The following SNTG2 variants were observed in gnomAD, a reference collection of about 807,000 sequenced individuals.
The protein encoded by SNTG2 is syntrophin gamma 2, also known as gamma-2-syntrophin.
A neutral mutation model predicts 70.9 loss-of-function variants in SNTG2; 74 were observed. The observed-to-expected ratio is 1.04, with a 90% CI of 0.86 to 1.27. The LOEUF (loss-of-function observed/expected upper bound fraction) is 1.27. SNTG2 is among the 50% of genes most tolerant of loss of function. The pLI, the probability that SNTG2 is intolerant of heterozygous loss-of-function variation, is 0.00. For missense variants in SNTG2, 717 were observed against 690.7 expected, an observed-to-expected ratio of 1.04 and a Z score of -0.43; for synonymous variants, 278 against 273.8, an observed-to-expected ratio of 1.02 and a Z score of -0.15.
At chr2:972,264 T>C (rs966273972) in intron 1 of SNTG2, among the ~76,000 whole-genome samples, 1 of 152,180 alleles carries the variant, frequency 6.6e-6, no homozygotes, top group Admixed American at 6.5e-5. Flanking sequence ...CTTACTGTAC[T>C]TAGTCTCCTC....
At chr2:1,090,890 A>G (rs1347501433) in intron 2 of SNTG2, among the ~76,000 whole-genome samples, 1 of 152,114 alleles carries the variant, frequency 6.6e-6, no homozygotes, top group Admixed American at 6.5e-5. Context: ...CCAGCTCCTG[A>G]GATCTTATCG....
intron 1 of SNTG2, among the ~76,000 whole-genome samples, chr2:1,033,400 G>A (rs940335295): frequency 6.6e-6 from 1 of 152,154 alleles, no homozygotes; most frequent in Non-Finnish European, 1.5e-5. Flanking sequence ...GGGACTTTTG[G>A]AGAAACTCCA....
At chr2:1,076,732 A>G (rs912125520) in intron 1 of SNTG2, among the ~76,000 whole-genome samples, 2 of 152,230 alleles carry the variant, frequency 1.3e-5, no homozygotes, top group Admixed American at 1.3e-4. Flanking sequence ...ATTCTAAATT[A>G]TTAAGAAACT....
chr2:995,927 GA>G (rs1400347916), intron 1 of SNTG2, among the ~76,000 whole-genome samples: 1 of 152,022 alleles, frequency 6.6e-6, no homozygotes, highest in African/African-American at 2.4e-5. Context: ...AATTTTGCTC[GA>G]AAAAGACAAG....
chr2:1,170,626 G>GTA lies in SNTG2; in HGVS notation c.500-2466_500-2465insTA, dbSNP rs747586498. ...TTCCCCCAGTGTAGTTTCAGAGTCC[G>GTA]CCCCCAATGTCGCGGGCATCGGTGC... On this transcript the variant is annotated intron_variant, in intron 7 of 16. Coordinates refer to ENST00000308624, the MANE Select transcript of SNTG2 (RefSeq NM_018968.4). 2.6e-5 allele frequency among the ~76,000 whole-genome samples: 4 copies of GTA among 151,946 alleles called. No individual in the cohort carries two copies. The South Asian group carries it at 8.3e-4, about 32-fold the overall frequency.
chr2:1,323,287 G>C (rs892826964), intron 16 of SNTG2, among the ~76,000 whole-genome samples: 6 of 152,368 alleles, frequency 3.9e-5, no homozygotes, highest in Admixed American at 3.3e-4. Flanking sequence ...ATTGCAACAA[G>C]AAGTAGCAGA....
intron 4 of SNTG2, among the ~76,000 whole-genome samples, chr2:1,119,979 AAGAAAATG>A (rs1667281787): frequency 1.3e-5 from 2 of 152,162 alleles, no homozygotes; most frequent in African/African-American, 4.8e-5. Flanking sequence ...TACAAACAAC[AAGAAAATG>A]AGAAAATGGC....
intron 1 of SNTG2, among the ~76,000 whole-genome samples, chr2:1,042,300 A>G (rs148525165): frequency 6.2e-4 from 94 of 152,244 alleles, no homozygotes; most frequent in African/African-American, 2.2e-3. Context: ...ATTTGCCATC[A>G]TTTTATTGCA....
chr2:1,190,341 G>A, intron 8 of SNTG2, among the ~76,000 whole-genome samples: 1 of 151,614 alleles, frequency 6.6e-6, no homozygotes, highest in East Asian at 1.9e-4. Context: ...TGTAAATGCT[G>A]TGTAAATAGT....
intron 2 of SNTG2, among the ~76,000 whole-genome samples, chr2:1,089,912 G>C (rs1451813099): frequency 1.3e-5 from 2 of 152,290 alleles, no homozygotes; most frequent in African/African-American, 4.8e-5. Context: ...CTTTGGCTCT[G>C]TCTACGTTAT....
chr2:1,262,771 G>T (rs1261193180), intron 13 of SNTG2: 1 of 151,594 alleles, frequency 6.6e-6, no homozygotes, highest in African/African-American at 2.4e-5. Context: ...CAACCCGAAG[G>T]CTCCGTGCAG....
intron 16 of SNTG2, among the ~76,000 whole-genome samples, chr2:1,327,106 A>C (rs1351124503): frequency 6.6e-6 from 1 of 152,030 alleles, no homozygotes; most frequent in African/African-American, 2.4e-5. Flanking sequence ...TGTTGCTGGA[A>C]ATTAGTTAGA....
intron 16 of SNTG2, among the ~76,000 whole-genome samples, chr2:1,319,901 G>T (rs978955723): frequency 6.6e-6 from 1 of 152,250 alleles, no homozygotes; most frequent in Non-Finnish European, 1.5e-5. Flanking sequence ...CCACGGGAAT[G>T]AATTCTGAGT....
Position 1,137,152 on chromosome 2 carries a change from C to T in SNTG2, c.326-470C>T, listed in dbSNP as rs1163083396. ...AATCTAGCTTTCCTTATGAAGTGGC[C>T]GCCTATTGCTATGTGTTCACATTTC... On this transcript the variant is annotated intron_variant, in intron 4 of 16. Transcript: ENST00000308624. Among the ~76,000 whole-genome samples, 9 of 152,176 alleles carry T rather than the reference C, an allele frequency of 5.9e-5. No homozygotes were observed. In the East Asian group the frequency reaches 1.3e-3, roughly 23 times the overall value.
intron 1 of SNTG2, among the ~76,000 whole-genome samples, chr2:984,719 G>A (rs1418834180): frequency 6.6e-6 from 1 of 152,168 alleles, no homozygotes; most frequent in Non-Finnish European, 1.5e-5. Flanking sequence ...CCGTGACTCA[G>A]GACAGTGCTA....
At chr2:1,315,652 A>T (rs1681240111) in intron 15 of SNTG2, among the ~76,000 whole-genome samples, 1 of 152,250 alleles carries the variant, frequency 6.6e-6, no homozygotes, top group African/African-American at 2.4e-5. Context: ...TTCATCTTTA[A>T]CGTACCATAG....
At chr2:1,084,718 C>T (rs1415316305) in intron 2 of SNTG2, among the ~76,000 whole-genome samples, 1 of 152,216 alleles carries the variant, frequency 6.6e-6, no homozygotes, top group Non-Finnish European at 1.5e-5. Context: ...GCTCAGAGCA[C>T]AGGATCAAGG....
chr2:1,162,921 G>A (rs1262116840), intron 6 of SNTG2, among the ~76,000 whole-genome samples: 1 of 152,198 alleles, frequency 6.6e-6, no homozygotes, highest in Non-Finnish European at 1.5e-5. Flanking sequence ...GTCAGAGACA[G>A]GCGTCTCACA....
At chr2:1,357,026 A>G (rs1202967563) in intron 16 of SNTG2, among the ~76,000 whole-genome samples, 3 of 151,810 alleles carry the variant, frequency 2.0e-5, no homozygotes, top group Admixed American at 6.6e-5. Context: ...TGTCTTCTGA[A>G]ATTTTGCTGA....
Sources: allele counts gnomAD v4.1 joint callset (sites outside exome capture counted in the v4.1 genomes callset), GRCh38; gene constraint gnomAD v4.1.1; transcripts MANE v1.5; gene names NCBI Gene and HGNC (gene_info 2026-07-23, HGNC 2026-07-21).